The following INSYN2B variants were observed in gnomAD, a reference collection of about 807,000 sequenced individuals.
The protein encoded by INSYN2B is protein INSYN2B.
Under a neutral mutation model 41.2 loss-of-function variants are expected in INSYN2B, and 16 were observed. The ratio of observed to expected loss-of-function variants is 0.39; its 90% CI spans 0.26 to 0.59. The LOEUF is 0.59. INSYN2B is among the 20% of genes least tolerant of loss of function. The pLI is 0.57. For missense variants in INSYN2B, 608 were observed against 646.4 expected, an observed-to-expected ratio of 0.94 and a Z score of 0.64; for synonymous variants, 245 against 244.4, an observed-to-expected ratio of 1.00 and a Z score of -0.02.
At chr5:169,902,185 C>A (rs1307664103) in intron 1 of INSYN2B, among the ~76,000 whole-genome samples, 1 of 152,168 alleles carries the variant, frequency 6.6e-6, no homozygotes, top group African/African-American at 2.4e-5. Flanking sequence ...GGGGAATAAC[C>A]AGTTAGTCTA....
chr5:169,892,881 TG>T (rs1379621811), intron 1 of INSYN2B, among the ~76,000 whole-genome samples: 3 of 152,124 alleles, frequency 2.0e-5, no homozygotes, highest in African/African-American at 7.2e-5. Flanking sequence ...TGTTTCCCTC[TG>T]TCTTCACTCC....
intron 1 of INSYN2B, among the ~76,000 whole-genome samples, chr5:169,892,162 C>T (rs985643164): frequency 2.6e-5 from 4 of 152,000 alleles, no homozygotes; most frequent in African/African-American, 9.7e-5. Flanking sequence ...ATATCTAAAA[C>T]ACAATAAAGT....
At chr5:169,904,402 C>T (rs1774152402) in intron 1 of INSYN2B, among the ~76,000 whole-genome samples, 1 of 152,172 alleles carries the variant, frequency 6.6e-6, no homozygotes, top group Non-Finnish European at 1.5e-5. Flanking sequence ...ACCTACCTGT[C>T]TATGGAATTT....
intron 1 of INSYN2B, among the ~76,000 whole-genome samples, chr5:169,912,413 G>T (rs529610720): frequency 7.9e-5 from 12 of 152,196 alleles, no homozygotes; most frequent in African/African-American, 2.6e-4. Flanking sequence ...CTCTACTTGC[G>T]AAGGGTCTTT....
chr5:169,959,867 C>T (rs1485679540), intron 1 of INSYN2B, among the ~76,000 whole-genome samples: 1 of 152,072 alleles, frequency 6.6e-6, no homozygotes, highest in Non-Finnish European at 1.5e-5. Flanking sequence ...AGAGGTTTGG[C>T]CAGGAAAAGA....
intron 1 of INSYN2B, among the ~76,000 whole-genome samples, chr5:169,908,524 C>G (rs915151472): frequency 6.6e-6 from 1 of 152,028 alleles, no homozygotes; most frequent in African/African-American, 2.4e-5. Flanking sequence ...AAATAGGTTC[C>G]CACCTGCTAG....
At position 169,863,750 on chromosome 5, in the gene INSYN2B, A is replaced by G. The variant is rs1771353872; in HGVS notation, c.*523T>C. 6.6e-6 allele frequency among the ~76,000 whole-genome samples: 1 copy of G among 152,204 alleles called. No homozygotes were observed. Among genetic ancestry groups the G allele is most frequent in the African/African-American group, 2.4e-5 (1 of 41,464 alleles). On this transcript the variant is annotated 3_prime_UTR_variant, in exon 4 of 4. Transcript: ENST00000377365. ...CAGGGTGATCTTGCATAAGCATTTT[A>G]TGCCCTGCCCACTTCTCTTGTGCTT... is the stretch of plus-strand genomic sequence containing the variant.
At chr5:169,944,057 A>T (rs1181293107) in intron 1 of INSYN2B, among the ~76,000 whole-genome samples, 1 of 152,212 alleles carries the variant, frequency 6.6e-6, no homozygotes, top group South Asian at 2.1e-4. Flanking sequence ...AGTGCTGACC[A>T]TGTGCCAGGA....
intron 1 of INSYN2B, among the ~76,000 whole-genome samples, chr5:169,910,008 A>C (rs905062595): frequency 6.6e-6 from 1 of 152,172 alleles, no homozygotes; most frequent in Non-Finnish European, 1.5e-5. Flanking sequence ...GCAAGTCATC[A>C]GGGTGCCTTT....
chr5:169,967,509 A>G (rs1777346713), intron 1 of INSYN2B, among the ~76,000 whole-genome samples: 1 of 152,166 alleles, frequency 6.6e-6, no homozygotes, highest in Non-Finnish European at 1.5e-5. Context: ...GAGTAGGAAG[A>G]GTGGAAGAAA....
rs564735087 is a variant in INSYN2B, at chr5:169,912,196, G to T, written c.-918-27380C>A. Among the ~76,000 whole-genome samples, 4 of 152,156 alleles carry T rather than the reference G, an allele frequency of 2.6e-5. 1 individual carries two copies. In the South Asian group the frequency reaches 8.3e-4, roughly 32 times the overall value. ...CTTTCTTCTTTTGTTTTGTCTTTCA[G>T]TTATAGGCCAGGCTTTTATTTATTT... On this transcript the variant is annotated intron_variant, in intron 1 of 3. Coordinates refer to ENST00000377365, the MANE Select transcript of INSYN2B (RefSeq NM_001129891.3).
rs1771199470 is a variant in INSYN2B at position 169,861,569 on chromosome 5, T to C, written c.*2704A>G. 6.6e-6 allele frequency among the ~76,000 whole-genome samples: 1 copy of C among 152,218 alleles called. No homozygotes were observed. The highest frequency in any genetic ancestry group is 6.5e-5 in the Admixed American group (1 of 15,286). On this transcript the variant is annotated 3_prime_UTR_variant, in exon 4 of 4. Coordinates refer to ENST00000377365, the MANE Select transcript of INSYN2B (RefSeq NM_001129891.3). The stretch of plus-strand genomic sequence containing the variant: ...AAAAGTAATTTTTGCTAAGTTAATA[T>C]CTCTCCAGCAAACCAGATAACCTCA...
intron 1 of INSYN2B, among the ~76,000 whole-genome samples, chr5:169,955,854 A>G (rs373607394): frequency 3.9e-5 from 6 of 152,266 alleles, no homozygotes; most frequent in African/African-American, 1.4e-4. Context: ...TTCATGTCTC[A>G]TGGTCAAGGT....
At chr5:169,967,965 G>A (rs1272134479) in intron 1 of INSYN2B, among the ~76,000 whole-genome samples, 2 of 152,200 alleles carry the variant, frequency 1.3e-5, no homozygotes, top group Non-Finnish European at 2.9e-5. Context: ...CACATGGGGA[G>A]GAGGAAGAAA....
rs780525605 is a variant in INSYN2B at position 169,896,551 on chromosome 5, C to T, written c.-918-11735G>A. 3.3e-5 allele frequency among the ~76,000 whole-genome samples: 5 copies of T among 152,256 alleles called. 1 individual carries two copies. Among genetic ancestry groups the T allele is most frequent in the South Asian group, 4.2e-4 (2 of 4,818 alleles). On this transcript the variant is annotated intron_variant, in intron 1 of 3. Transcript: ENST00000377365. The stretch of plus-strand genomic sequence containing the variant: ...TAAGAAGCTGGCTGTAAGATTTAAA[C>T]GAGGTGACACACTCATAAATCTTTC...
chr5:169,965,431 G>A (rs1460212784), intron 1 of INSYN2B, among the ~76,000 whole-genome samples: 1 of 152,224 alleles, frequency 6.6e-6, no homozygotes, highest in Admixed American at 6.5e-5. Context: ...GCTTAGAAAT[G>A]AGAATTCATA....
chr5:169,923,170 TTC>T (rs935714969), intron 1 of INSYN2B, among the ~76,000 whole-genome samples: 53 of 152,282 alleles, frequency 3.5e-4, no homozygotes, highest in African/African-American at 1.3e-3. Flanking sequence ...TCCTTCTAAA[TTC>T]TCTGTTTACA....
chr5:169,886,953 A>G (rs936925713), intron 1 of INSYN2B, among the ~76,000 whole-genome samples: 3 of 152,172 alleles, frequency 2.0e-5, no homozygotes, highest in Non-Finnish European at 4.4e-5. Context: ...CCTTAATCCT[A>G]TGACACTCGT....
At position 169,864,468 on chromosome 5, in the gene INSYN2B, C is replaced by A; in HGVS notation, c.1422-9G>T. On this transcript the variant is annotated splice_polypyrimidine_tract_variant and intron_variant, in intron 3 of 3. Transcript: ENST00000377365. Reference sequence around the variant, plus strand: ...GAAAATCATACTCTACACTGAAAAACACAGAGAGGAAGGAAGGAAAGTGAA... The same window carrying A: ...GAAAATCATACTCTACACTGAAAAAAACAGAGAGGAAGGAAGGAAAGTGAA... The A allele has an allele frequency of 6.6e-7, 1 of 1,517,644 alleles. No individual in the cohort carries two copies. The highest frequency in any genetic ancestry group is 8.8e-7 in the Non-Finnish European group (1 of 1,131,258). The allele number at this position is 1,517,644 out of a possible 1,614,324, so 94.0% of individuals were successfully genotyped here.
Sources: gnomAD v4.1 joint callset for allele counts (sites outside exome capture counted in the v4.1 genomes callset) on GRCh38, gnomAD v4.1.1 for gene constraint, MANE v1.5 for transcripts, NCBI Gene and HGNC (gene_info 2026-07-23, HGNC 2026-07-21) for gene names.